ZFAND3: variants seen among roughly 807,000 people sequenced by gnomAD.
ZFAND3 encodes the protein zinc finger AN1-type containing 3.
ZFAND3 carries 10 observed loss-of-function variants against 29.6 expected under a neutral mutation model. The observed-to-expected ratio is 0.34, with a 90% CI of 0.21 to 0.57. The LOEUF is 0.57. Ranked by LOEUF, ZFAND3 falls within the 20% of genes least tolerant of loss-of-function variation. The pLI is 0.86. For missense variants in ZFAND3, 230 were observed against 304.5 expected (o/e 0.76, Z 1.82); for synonymous variants, 128 against 112.6 (o/e 1.14, Z -0.87).
chr6:37,973,526 G>A (rs1581803652), intron 2 of ZFAND3, among the ~76,000 whole-genome samples: 1 of 152,198 alleles, frequency 6.6e-6, no homozygotes, highest in Non-Finnish European at 1.5e-5. Flanking sequence ...GCTACATGTG[G>A]TTATTGAACA....
rs368772128 is a variant in ZFAND3 at position 38,148,229 on chromosome 6, G to C, written c.530-4006G>C. ...TTGAAGAGGATTTCCTCTTCCCAGT[G>C]TAAGTTCTCATTGGCTTTGTCAAAG... is the stretch of plus-strand genomic sequence containing the variant. On this transcript the variant is annotated intron_variant, in intron 5 of 5. Coordinates refer to ENST00000287218, the MANE Select transcript of ZFAND3 (RefSeq NM_021943.3). Among the ~76,000 whole-genome samples the C allele has an allele frequency of 1.8e-3, 278 of 152,280 alleles. 2 individuals carry two copies. Among genetic ancestry groups the C allele is most frequent in the African/African-American group, 6.5e-3 (269 of 41,534 alleles).
chr6:37,993,765 A>G (rs1375415575), intron 2 of ZFAND3, among the ~76,000 whole-genome samples: 1 of 152,112 alleles, frequency 6.6e-6, no homozygotes, highest in Non-Finnish European at 1.5e-5. Flanking sequence ...TTTCTGAAAT[A>G]TTTCATAGCT....
intron 1 of ZFAND3, among the ~76,000 whole-genome samples, chr6:37,853,986 T>C (rs11752650): frequency 0.065 from 9,904 of 152,222 alleles, 385 homozygotes; most frequent in Non-Finnish European, 0.085. Context: ...AGTTTCACTC[T>C]TGTTGCCCAG....
intron 2 of ZFAND3, among the ~76,000 whole-genome samples, chr6:37,967,021 C>G (rs1419273350): frequency 2.0e-5 from 3 of 152,160 alleles, no homozygotes; most frequent in African/African-American, 7.2e-5. Context: ...TCTGTTGTTA[C>G]AGGGCATACA....
chr6:37,859,537 G>A (rs914993876), intron 1 of ZFAND3, among the ~76,000 whole-genome samples: 4 of 152,104 alleles, frequency 2.6e-5, no homozygotes, highest in African/African-American at 9.7e-5. Context: ...CCAATTTTCT[G>A]ATCTTATGGT....
intron 1 of ZFAND3, among the ~76,000 whole-genome samples, chr6:37,919,617 T>C (rs145683031): frequency 6.6e-6 from 1 of 152,306 alleles, no homozygotes; most frequent in Admixed American, 6.5e-5. Flanking sequence ...AATTCATTCA[T>C]GTAACATTAG....
intron 1 of ZFAND3, among the ~76,000 whole-genome samples, chr6:37,856,700 CAT>C (rs1040165358): frequency 1.3e-5 from 2 of 152,028 alleles, no homozygotes; most frequent in Non-Finnish European, 2.9e-5. Context: ...ATAAAATATA[CAT>C]ATTTCTTATT....
intron 2 of ZFAND3, among the ~76,000 whole-genome samples, chr6:38,042,976 T>C (rs1038560403): frequency 2.0e-5 from 3 of 152,170 alleles, no homozygotes; most frequent in Non-Finnish European, 4.4e-5. Context: ...TGCCTCACTT[T>C]GCTCGGATAA....
chr6:38,008,726 T>TA (rs755818052), intron 2 of ZFAND3, among the ~76,000 whole-genome samples: 6 of 152,128 alleles, frequency 3.9e-5, no homozygotes, highest in Non-Finnish European at 8.8e-5. Flanking sequence ...TCCCTATCCT[T>TA]ACGCAGGATT....
At chr6:38,073,143 C>G (rs1764487996) in intron 3 of ZFAND3, among the ~76,000 whole-genome samples, 1 of 152,104 alleles carries the variant, frequency 6.6e-6, no homozygotes, top group African/African-American at 2.4e-5. Flanking sequence ...CACCGGTGTT[C>G]CAAGTTGTTT....
chr6:37,975,374 C>T (rs1204766548), intron 2 of ZFAND3, among the ~76,000 whole-genome samples: 1 of 151,948 alleles, frequency 6.6e-6, no homozygotes, highest in African/African-American at 2.4e-5. Flanking sequence ...GGATACAAAT[C>T]TTTTTCATAT....
intron 5 of ZFAND3, among the ~76,000 whole-genome samples, chr6:38,135,609 G>A (rs1221728547): frequency 6.6e-6 from 1 of 152,192 alleles, no homozygotes; most frequent in South Asian, 2.1e-4. Flanking sequence ...GCCAGGTGTG[G>A]TGGCGTGCGC....
intron 1 of ZFAND3, among the ~76,000 whole-genome samples, chr6:37,920,134 T>A (rs1761350516): frequency 6.6e-6 from 1 of 150,792 alleles, no homozygotes; most frequent in African/African-American, 2.5e-5. Flanking sequence ...AGGATTTAAT[T>A]GTAAAGCAAT....
intron 1 of ZFAND3, among the ~76,000 whole-genome samples, chr6:37,887,455 A>G (rs1765015905): frequency 6.6e-6 from 1 of 152,242 alleles, no homozygotes; most frequent in African/African-American, 2.4e-5. Context: ...ACCTTAATGT[A>G]TATTATGAGG....
chr6:37,940,683 G>T (rs1171867049), intron 2 of ZFAND3, among the ~76,000 whole-genome samples: 3 of 152,170 alleles, frequency 2.0e-5, no homozygotes, highest in Non-Finnish European at 4.4e-5. Context: ...GCAAGAACTT[G>T]CATATCACAT....
At chr6:38,142,579 T>G (rs1023794589) in intron 5 of ZFAND3, among the ~76,000 whole-genome samples, 3 of 152,190 alleles carry the variant, frequency 2.0e-5, no homozygotes, top group Non-Finnish European at 4.4e-5. Flanking sequence ...GATTGGGAAA[T>G]GCTGAAAGAG....
At chr6:38,011,767 C>T (rs1321152429) in intron 2 of ZFAND3, among the ~76,000 whole-genome samples, 3 of 152,116 alleles carry the variant, frequency 2.0e-5, no homozygotes, top group South Asian at 2.1e-4. Context: ...CTCTATTACA[C>T]TTAAAACGTG....
At chr6:37,911,894 T>C (rs1195696634) in intron 1 of ZFAND3, among the ~76,000 whole-genome samples, 1 of 152,166 alleles carries the variant, frequency 6.6e-6, no homozygotes, top group African/African-American at 2.4e-5. Context: ...CATAGGTTAC[T>C]ACAGTCAGTT....
chr6:37,986,769 C>T (rs1421076889), intron 2 of ZFAND3, among the ~76,000 whole-genome samples: 1 of 152,084 alleles, frequency 6.6e-6, no homozygotes, highest in Non-Finnish European at 1.5e-5. Context: ...ATTTAACTAT[C>T]CATACTTAAC....
Sources: allele counts gnomAD v4.1 joint callset (sites outside exome capture counted in the v4.1 genomes callset), GRCh38; gene constraint gnomAD v4.1.1; transcripts MANE v1.5; gene names NCBI Gene and HGNC (gene_info 2026-07-23, HGNC 2026-07-21).